Variants in KCNIP4 observed in about 807,000 individuals in gnomAD.
KCNIP4 encodes the protein potassium voltage-gated channel interacting protein 4, also known as Kv channel-interacting protein 4.
A neutral mutation model predicts 34.0 loss-of-function variants in KCNIP4; 12 were observed. The ratio of observed to expected loss-of-function variants is 0.35; its 90% CI spans 0.23 to 0.57. KCNIP4 has a LOEUF of 0.57. KCNIP4 is among the 20% of genes least tolerant of loss of function. The pLI is 0.83. For synonymous variants in KCNIP4, 124 were observed against 102.2 expected (o/e 1.21, Z -1.29); for missense variants, 238 against 311.7 (o/e 0.76, Z 1.78).
intron 1 of KCNIP4, among the ~76,000 whole-genome samples, chr4:21,854,752 G>A: frequency 6.6e-6 from 1 of 152,230 alleles, no homozygotes; most frequent in East Asian, 1.9e-4. Context: ...TGGAAACCAG[G>A]CCCTTCTTTC....
chr4:21,125,408 G>A (rs1750536872), intron 1 of KCNIP4, among the ~76,000 whole-genome samples: 1 of 151,722 alleles, frequency 6.6e-6, no homozygotes, highest in Non-Finnish European at 1.5e-5. Flanking sequence ...GTAGAGACGG[G>A]GTTTCACCAT....
At chr4:21,835,814 A>C (rs1446699287) in intron 1 of KCNIP4, among the ~76,000 whole-genome samples, 1 of 152,208 alleles carries the variant, frequency 6.6e-6, no homozygotes, top group African/African-American at 2.4e-5. Context: ...GGATAAATCA[A>C]ATGAGGCATA....
chr4:21,678,128 C>T (rs929897094), intron 1 of KCNIP4, among the ~76,000 whole-genome samples: 1 of 152,220 alleles, frequency 6.6e-6, no homozygotes. Context: ...GTAAGTATTG[C>T]AGGCTTTGTG....
intron 1 of KCNIP4, among the ~76,000 whole-genome samples, chr4:21,371,091 C>A (rs1424530740): frequency 7.1e-6 from 1 of 141,646 alleles, no homozygotes; most frequent in Non-Finnish European, 1.5e-5. Context: ...GGCAATTCAG[C>A]CAGAGATTAA....
chr4:21,422,143 G>C (rs566230018), intron 1 of KCNIP4, among the ~76,000 whole-genome samples: 1 of 151,632 alleles, frequency 6.6e-6, no homozygotes, highest in South Asian at 2.1e-4. Context: ...TGAAAACCAA[G>C]ATGCCGAAAT....
intron 1 of KCNIP4, among the ~76,000 whole-genome samples, chr4:21,493,992 C>G (rs967199407): frequency 3.3e-5 from 5 of 152,184 alleles, no homozygotes; most frequent in South Asian, 2.1e-4. Context: ...ATTATGAGCT[C>G]TGTATGAAGA....
At chr4:20,809,328 GGTT>G (rs1055160535) in intron 3 of KCNIP4, among the ~76,000 whole-genome samples, 3 of 152,174 alleles carry the variant, frequency 2.0e-5, no homozygotes, top group African/African-American at 7.2e-5. Context: ...GGGCTTAAAA[GGTT>G]GTTAGGGTTG....
chr4:21,340,898 T>C (rs1276374341), intron 1 of KCNIP4, among the ~76,000 whole-genome samples: 1 of 152,176 alleles, frequency 6.6e-6, no homozygotes, highest in Non-Finnish European at 1.5e-5. Context: ...TAAAAGGCTC[T>C]GTAATTTGTT....
At chr4:21,925,027 A>G (rs575968372) in intron 1 of KCNIP4, among the ~76,000 whole-genome samples, 1 of 152,064 alleles carries the variant, frequency 6.6e-6, no homozygotes, top group Non-Finnish European at 1.5e-5. Flanking sequence ...ACTCTACTCC[A>G]GTCATACTTG....
At chr4:20,936,984 G>GA (rs1421247680) in intron 1 of KCNIP4, among the ~76,000 whole-genome samples, 12 of 151,942 alleles carry the variant, frequency 7.9e-5, no homozygotes, top group African/African-American at 2.7e-4. Flanking sequence ...TCTGTTGGCT[G>GA]AAGGAAAAAA....
chr4:21,191,031 T>C (rs1316157856), intron 1 of KCNIP4, among the ~76,000 whole-genome samples: 2 of 152,252 alleles, frequency 1.3e-5, no homozygotes, highest in African/African-American at 4.8e-5. Flanking sequence ...AGCATTACAC[T>C]GAAATTTAAT....
intron 4 of KCNIP4, among the ~76,000 whole-genome samples, chr4:20,752,161 C>T (rs1174932504): frequency 2.7e-5 from 4 of 148,418 alleles, no homozygotes; most frequent in East Asian, 2.0e-4. Context: ...TGGGTTCAAG[C>T]GATTCTCCTG....
chr4:21,934,431 T>C (rs995455410), intron 1 of KCNIP4, among the ~76,000 whole-genome samples: 2 of 152,066 alleles, frequency 1.3e-5, no homozygotes. Flanking sequence ...CCTCTTCCCA[T>C]GTAATCACTT....
At chr4:21,846,130 T>C (rs1335189088) in intron 1 of KCNIP4, 1 of 152,128 alleles carries the variant, frequency 6.6e-6, no homozygotes, top group Non-Finnish European at 1.5e-5. Context: ...CATAGATCTA[T>C]AGTTTCTTTT....
chr4:21,275,967 C>CA (rs1002999527), intron 1 of KCNIP4, among the ~76,000 whole-genome samples: 82 of 150,312 alleles, frequency 5.5e-4, no homozygotes, highest in Non-Finnish European at 9.0e-4. Flanking sequence ...AAAAGAATTG[C>CA]AAAAAAAAAC....
At chr4:21,943,949 A>T (rs1730348539) in intron 1 of KCNIP4, among the ~76,000 whole-genome samples, 1 of 127,740 alleles carries the variant, frequency 7.8e-6, no homozygotes, top group East Asian at 2.1e-4. Context: ...AGAGAAGGAG[A>T]CTCTTGCTTT....
At chr4:20,743,596 T>G (rs1462011204) in intron 5 of KCNIP4, among the ~76,000 whole-genome samples, 2 of 152,158 alleles carry the variant, frequency 1.3e-5, no homozygotes, top group African/African-American at 4.8e-5. Flanking sequence ...GATCCCTTCC[T>G]TACACTTTAT....
chr4:21,751,952 T>C (rs1717176934), intron 1 of KCNIP4, among the ~76,000 whole-genome samples: 1 of 152,214 alleles, frequency 6.6e-6, no homozygotes, highest in African/African-American at 2.4e-5. Flanking sequence ...GTCTTTCTAC[T>C]GTTCTGCAGG....
intron 3 of KCNIP4, among the ~76,000 whole-genome samples, chr4:20,823,500 G>A (rs755676689): frequency 3.9e-5 from 6 of 152,022 alleles, no homozygotes; most frequent in Non-Finnish European, 5.9e-5. Context: ...CCTTTGGGAG[G>A]TCATTAGGTC....
Sources: allele counts gnomAD v4.1 joint callset (sites outside exome capture counted in the v4.1 genomes callset), GRCh38; gene constraint gnomAD v4.1.1; transcripts MANE v1.5; gene names NCBI Gene and HGNC (gene_info 2026-07-23, HGNC 2026-07-21).